The following GXYLT2 variants were observed in gnomAD, a reference collection of about 807,000 sequenced individuals.
The protein encoded by GXYLT2 is glycosyltransferase 8 domain containing 4.
In GXYLT2, 53 loss-of-function variants were observed where a neutral mutation model predicts 45.8. That is an observed-to-expected ratio of 1.16 (90% CI 0.93 to 1.46). GXYLT2 has a LOEUF of 1.46. Ranked by LOEUF, GXYLT2 falls within the 40% of genes most tolerant of loss-of-function variation. The probability of loss-of-function intolerance (pLI) is 0.00; values close to 1 mark genes in which losing one functional copy is unlikely to be tolerated. For missense variants in GXYLT2, 551 were observed against 544.4 expected (o/e 1.01, Z -0.12); for synonymous variants, 219 against 214.2 (o/e 1.02, Z -0.19).
At chr3:72,933,801 C>A (rs1710123621) in intron 3 of GXYLT2, among the ~76,000 whole-genome samples, 1 of 152,020 alleles carries the variant, frequency 6.6e-6, no homozygotes, top group South Asian at 2.1e-4. Context: ...CCTGGGGGGG[C>A]CGAGCTTGGA....
intron 1 of GXYLT2, among the ~76,000 whole-genome samples, chr3:72,889,872 C>G (rs1709145156): frequency 6.6e-6 from 1 of 151,540 alleles, no homozygotes. Flanking sequence ...CATAACCTTC[C>G]CCCCCACCGC....
At chr3:72,945,101 AC>A (rs1487383284) in intron 3 of GXYLT2, among the ~76,000 whole-genome samples, 2 of 140,152 alleles carry the variant, frequency 1.4e-5, no homozygotes, top group Non-Finnish European at 3.0e-5. Flanking sequence ...ACACGGTGAA[AC>A]CCTGTCTCTA....
At position 72,961,849 on chromosome 3, in the gene GXYLT2, T is replaced by C. The variant is rs551840428; in HGVS notation, c.976+4497T>C. On this transcript the variant is annotated intron_variant, in intron 5 of 6. Coordinates refer to ENST00000389617, the MANE Select transcript of GXYLT2 (RefSeq NM_001080393.2). ...AATTTCTAGAAAACTGAGATGTGGG[T>C]AGGGAAGAAAATGAAACCAGCCAAG... is the stretch of plus-strand genomic sequence containing the variant. 3.9e-5 allele frequency among the ~76,000 whole-genome samples: 6 copies of C among 152,000 alleles called. No individual in the cohort carries two copies. In the South Asian group the frequency reaches 1.0e-3, roughly 26 times the overall value.
Position 72,908,447 on chromosome 3 carries a change from A to G in GXYLT2, c.356A>G (p.Asn119Ser), listed in dbSNP as rs191393310. 3.4e-3 allele frequency: 5,434 copies of G among 1,613,930 alleles called. 14 individuals carry two copies. Among genetic ancestry groups the G allele is most frequent in the Middle Eastern group, 4.1e-3 (25 of 6,062 alleles). ...WIHLAVVACG[N>S]RLEETLVMLK... ...CACCTGGCTGTGGTGGCCTGTGGCAATCGGCTGGAGGAGACGCTGGTCATG... is the reference window on the plus strand; with the variant it reads ...CACCTGGCTGTGGTGGCCTGTGGCAGTCGGCTGGAGGAGACGCTGGTCATG... Residue 119 changes from asparagine (N) to serine (S), a missense_variant, in exon 2 of 7, where the codon AAT (asparagine) becomes AGT (serine). Physicochemically the swap from Asn to Ser is conservative, Grantham distance 46. Coordinates refer to ENST00000389617, the MANE Select transcript of GXYLT2 (RefSeq NM_001080393.2).
At chr3:72,967,178 T>C (rs933685551) in intron 5 of GXYLT2, among the ~76,000 whole-genome samples, 1 of 152,234 alleles carries the variant, frequency 6.6e-6, no homozygotes, top group African/African-American at 2.4e-5. Flanking sequence ...GTTGTATTAT[T>C]CCCATTTACA....
At chr3:72,921,178 A>AT (rs1307646823) in intron 2 of GXYLT2, among the ~76,000 whole-genome samples, 3 of 145,702 alleles carry the variant, frequency 2.1e-5, no homozygotes, top group African/African-American at 8.5e-5. Flanking sequence ...TAGTGAAGAA[A>AT]TAAAAAAAAA....
intron 2 of GXYLT2, among the ~76,000 whole-genome samples, chr3:72,915,355 G>GC (rs1491206587): frequency 1.2e-3 from 27 of 23,146 alleles, no homozygotes; most frequent in African/African-American, 8.0e-3. Context: ...TTTTTTTTTT[G>GC]CGGGGGGGGG....
chr3:72,888,386 C>T lies in GXYLT2; in HGVS notation c.153C>T (p.Pro51=). ...CGCAGCGCCACCCCGCGCCTGTCCC[C>T]GCGCGCTGGCCGGGGCCGGGCGCCC... The part of the protein sequence containing the change: ...SAPQRHPAPV[P]ARWPGPGALP... The change falls in exon 1 of 7, where the codon CCC becomes CCT. Residue 51 remains proline, a synonymous_variant. Transcript: ENST00000389617. The T allele has an allele frequency of 1.0e-6, 1 of 989,496 alleles. No individual in the cohort carries two copies. Among genetic ancestry groups the T allele is most frequent in the Non-Finnish European group, 1.2e-6 (1 of 834,432 alleles). 61.3% of individuals were successfully genotyped at this position (989,496 alleles called of 1,614,324 possible).
At chr3:72,903,678 A>G (rs771448824) in intron 1 of GXYLT2, among the ~76,000 whole-genome samples, 63 of 152,192 alleles carry the variant, frequency 4.1e-4, no homozygotes, top group Non-Finnish European at 7.6e-4. Context: ...TCCAGCCACA[A>G]AACTGGAAGA....
chr3:72,919,066 G>A (rs765364702), intron 2 of GXYLT2, among the ~76,000 whole-genome samples: 7 of 152,098 alleles, frequency 4.6e-5, no homozygotes, highest in African/African-American at 1.2e-4. Flanking sequence ...TTTGGAAGAC[G>A]GTTTGGCAGT....
intron 5 of GXYLT2, among the ~76,000 whole-genome samples, chr3:72,957,875 G>A (rs1710680656): frequency 6.6e-6 from 1 of 152,030 alleles, no homozygotes; most frequent in Non-Finnish European, 1.5e-5. Flanking sequence ...GTGGGGTAGA[G>A]GGAAAAAGGG....
At chr3:72,963,186 G>A (rs1452253594) in intron 5 of GXYLT2, among the ~76,000 whole-genome samples, 1 of 151,968 alleles carries the variant, frequency 6.6e-6, no homozygotes, top group East Asian at 1.9e-4. Flanking sequence ...AAATAAAAAT[G>A]TAGCAAGCCT....
intron 1 of GXYLT2, among the ~76,000 whole-genome samples, chr3:72,896,628 C>T (rs187929505): frequency 6.6e-6 from 1 of 151,994 alleles, no homozygotes; most frequent in African/African-American, 2.4e-5. Flanking sequence ...GCGGGCAGAT[C>T]GCTTGAGATC....
At chr3:72,888,660 G>A (rs577844479) in intron 1 of GXYLT2, among the ~76,000 whole-genome samples, 152 bp downstream of exon 1, 1 of 152,246 alleles carries the variant, frequency 6.6e-6, no homozygotes, top group African/African-American at 2.4e-5. Context: ...CGATAGAAAA[G>A]AAGACCCACC....
At chr3:72,950,338 G>A (rs912952877) in intron 3 of GXYLT2, among the ~76,000 whole-genome samples, 21 of 152,104 alleles carry the variant, frequency 1.4e-4, no homozygotes, top group Admixed American at 1.4e-3. Context: ...TCACAGACCT[G>A]TAATCCCAGC....
intron 3 of GXYLT2, among the ~76,000 whole-genome samples, chr3:72,928,585 A>G (rs552394366): frequency 6.8e-4 from 103 of 152,296 alleles, no homozygotes; most frequent in African/African-American, 2.4e-3. Context: ...AATTAAGAGG[A>G]GGCTTGCACC....
Position 72,975,172 on chromosome 3 carries a change from G to C in GXYLT2, c.*13G>C. 1 of 1,602,326 alleles carries C rather than the reference G, an allele frequency of 6.2e-7. No homozygotes were observed. Among genetic ancestry groups the C allele is most frequent in the Non-Finnish European group, 8.5e-7 (1 of 1,172,006 alleles). ...CCAGATGCACTGAATATTTTGTCTT[G>C]TTGCAAGTCAATTAGGTGTCTTGTG... On this transcript the variant is annotated 3_prime_UTR_variant, in exon 7 of 7. Transcript: ENST00000389617.
At chr3:72,934,050 C>T (rs919187779) in intron 3 of GXYLT2, among the ~76,000 whole-genome samples, 1 of 150,244 alleles carries the variant, frequency 6.7e-6, no homozygotes, top group African/African-American at 2.4e-5. Flanking sequence ...TAAAACTATA[C>T]AAAAATTGAT....
intron 3 of GXYLT2, among the ~76,000 whole-genome samples, chr3:72,932,471 TC>T (rs760343982): frequency 1.3e-5 from 2 of 152,222 alleles, no homozygotes; most frequent in African/African-American, 4.8e-5. Context: ...CATTGTTTAA[TC>T]CAAAGTCATG....
Sources: gnomAD v4.1 joint callset for allele counts (sites outside exome capture counted in the v4.1 genomes callset) on GRCh38, gnomAD v4.1.1 for gene constraint, MANE v1.5 for transcripts, NCBI Gene and HGNC (gene_info 2026-07-23, HGNC 2026-07-21) for gene names.